The following ROCK1 variants were observed in gnomAD, a reference collection of about 807,000 sequenced individuals.
The protein encoded by ROCK1 is Rho associated coiled-coil containing protein kinase 1.
Under a neutral mutation model 196.8 loss-of-function variants are expected in ROCK1, and 36 were observed. That is an observed-to-expected ratio of 0.18 (90% CI 0.14 to 0.24). ROCK1 has a LOEUF of 0.24. Ranked by LOEUF, ROCK1 falls within the 10% of genes least tolerant of loss-of-function variation. The pLI is 1.00. For synonymous variants in ROCK1, 443 were observed against 515.9 expected (o/e 0.86, Z 1.91); for missense variants, 920 against 1,562.0 (o/e 0.59, Z 6.93).
At chr18:21,087,220 A>G (rs893212059) in intron 1 of ROCK1, among the ~76,000 whole-genome samples, 2 of 152,220 alleles carry the variant, frequency 1.3e-5, no homozygotes, top group African/African-American at 4.8e-5. Context: ...AGGGAATTAC[A>G]ATAAATGTTC....
rs190125122 is a variant in ROCK1, at chr18:20,976,782, T to G, written c.2654+3128A>C. Among the ~76,000 whole-genome samples, 3 of 152,308 alleles carry G rather than the reference T, an allele frequency of 2.0e-5. No individual in the cohort carries two copies. The East Asian group carries it at 5.8e-4, about 29-fold the overall frequency. On this transcript the variant is annotated intron_variant, in intron 22 of 32. Transcript: ENST00000399799. ...CAAATACAGTGGTATCCATTTCTGT[T>G]TGGACATCCCATAGGCACCTCAAAC...
intron 16 of ROCK1, among the ~76,000 whole-genome samples, chr18:20,997,543 G>A (rs1454505181): frequency 1.3e-5 from 2 of 152,072 alleles, no homozygotes; most frequent in Non-Finnish European, 2.9e-5. Flanking sequence ...CAATCCTGGA[G>A]ACTTCAACTC....
chr18:21,068,834 G>A lies in ROCK1; in HGVS notation c.175+1698C>T, dbSNP rs142004319. 4.3e-3 allele frequency among the ~76,000 whole-genome samples: 650 copies of A among 152,248 alleles called. 28 individuals carry two copies. Among genetic ancestry groups the A allele is most frequent in the Admixed American group, 0.03 (464 of 15,288 alleles). ...TAATCTTCTAACTTTCAACCTTGCTGAATGTACTTATTAGTTCATGTAGCT... is the reference window on the plus strand; with the variant it reads ...TAATCTTCTAACTTTCAACCTTGCTAAATGTACTTATTAGTTCATGTAGCT... On this transcript the variant is annotated intron_variant, in intron 2 of 32. Transcript: ENST00000399799.
At chr18:20,952,991 C>G (rs2663702) in intron 32 of ROCK1, among the ~76,000 whole-genome samples, 2 of 151,932 alleles carry the variant, frequency 1.3e-5, no homozygotes, top group African/African-American at 2.4e-5. Flanking sequence ...GGGGCTAGGG[C>G]AGGGATAGCA....
At chr18:20,964,305 T>C (rs2143347395) in intron 27 of ROCK1, among the ~76,000 whole-genome samples, 1 of 152,312 alleles carries the variant, frequency 6.6e-6, no homozygotes, top group South Asian at 2.1e-4. Flanking sequence ...TTTTAGACAC[T>C]TGAATGATAT....
At chr18:21,065,102 T>G (rs1255354423) in intron 2 of ROCK1, among the ~76,000 whole-genome samples, 3 of 152,216 alleles carry the variant, frequency 2.0e-5, no homozygotes, top group Non-Finnish European at 2.9e-5. Context: ...ATGTCATTGG[T>G]GCCACTTGAG....
chr18:21,041,948 C>T (rs2036110773), intron 8 of ROCK1, 149 bp downstream of exon 8: 3 of 680,894 alleles, frequency 4.4e-6, no homozygotes, highest in Non-Finnish European at 7.1e-6. Context: ...CTACAAAAGA[C>T]ATCTAGAATA....
chr18:21,053,947 C>T (rs948868102), intron 2 of ROCK1, among the ~76,000 whole-genome samples: 12 of 152,164 alleles, frequency 7.9e-5, no homozygotes, highest in African/African-American at 2.9e-4. Context: ...ACATATAGCA[C>T]TCAAAACTGT....
intron 1 of ROCK1, among the ~76,000 whole-genome samples, chr18:21,077,505 C>G (rs2036443497): frequency 6.6e-6 from 1 of 152,150 alleles, no homozygotes; most frequent in African/African-American, 2.4e-5. Context: ...AAGCTAACTA[C>G]AAAACCTACT....
intron 23 of ROCK1, 119 bp downstream of exon 23, chr18:20,970,229 C>T: frequency 1.5e-6 from 1 of 659,540 alleles, no homozygotes; most frequent in Non-Finnish European, 2.5e-6. Flanking sequence ...TACAGAATGA[C>T]CACTATGTAT....
rs113993418 is a variant in ROCK1, at chr18:21,053,835, GA to G, written c.176-3956del. Among the ~76,000 whole-genome samples the G allele has an allele frequency of 1.1e-4, 16 of 150,084 alleles. No individual in the cohort carries two copies. The East Asian group carries it at 1.6e-3, about 15-fold the overall frequency. The stretch of plus-strand genomic sequence containing the variant: ...CTGTGTGACAGTCTTTTAGGGGAGG[GA>G]AAAAAAAAGACAACATTTCAAGTAT... On this transcript the variant is annotated intron_variant, in intron 2 of 32. Transcript: ENST00000399799.
At chr18:21,030,536 T>C (rs950753046) in intron 9 of ROCK1, among the ~76,000 whole-genome samples, 25 of 152,328 alleles carry the variant, frequency 1.6e-4, no homozygotes, top group African/African-American at 5.5e-4. Flanking sequence ...GGACCTACTC[T>C]TTTTATAAAT....
At chr18:21,014,687 C>A (rs1219036444) in intron 13 of ROCK1, among the ~76,000 whole-genome samples, 1 of 152,092 alleles carries the variant, frequency 6.6e-6, no homozygotes, top group African/African-American at 2.4e-5. Context: ...TCATAGATAT[C>A]CAAAGCTACC....
At chr18:21,031,736 T>C (rs1461697425) in intron 9 of ROCK1, among the ~76,000 whole-genome samples, 3 of 151,586 alleles carry the variant, frequency 2.0e-5, no homozygotes. Context: ...ATGGATGAAG[T>C]ACCAGGAAGA....
At position 21,045,355 on chromosome 18, in the gene ROCK1, C is replaced by T. The variant is rs748975520; in HGVS notation, c.527G>A (p.Arg176Gln). ...AAGAACTACTTCTGCAGTATAGAAT[C>T]GTGCCCATTTTTCAGGCACATCATA... ...SNYDVPEKWA[R>Q]FYTAEVVLAL... is the part of the protein sequence containing the mutation. Residue 176 changes from arginine (R) to glutamine (Q), a missense_variant, in exon 5 of 33, where the codon CGA becomes CAA. Physicochemically the swap from Arg to Gln is conservative, Grantham distance 43. Coordinates refer to ENST00000399799, the MANE Select transcript of ROCK1 (RefSeq NM_005406.3). 4.3e-6 allele frequency: 7 copies of T among 1,613,798 alleles called. No individual in the cohort carries two copies. The highest frequency in any genetic ancestry group is 1.6e-4 in the Middle Eastern group (1 of 6,062).
chr18:21,020,404 T>TA (rs1428525867), intron 11 of ROCK1, among the ~76,000 whole-genome samples, 165 bp from the exon 12 acceptor site: 1 of 152,212 alleles, frequency 6.6e-6, no homozygotes, highest in Non-Finnish European at 1.5e-5. Context: ...AGCACTTTCT[T>TA]AACATTTACT....
At chr18:20,983,576 G>A (rs1189303334) in intron 20 of ROCK1, among the ~76,000 whole-genome samples, 1 of 151,986 alleles carries the variant, frequency 6.6e-6, no homozygotes, top group Non-Finnish European at 1.5e-5. Context: ...GACAGTAATA[G>A]CTTTGTATTC....
At chr18:21,001,345 T>C (rs999446936) in intron 16 of ROCK1, among the ~76,000 whole-genome samples, 9 of 152,172 alleles carry the variant, frequency 5.9e-5, no homozygotes, top group African/African-American at 1.4e-4. Flanking sequence ...TGGAACCACA[T>C]AGAGGAGGTA....
rs952524847 is a variant in ROCK1 at position 20,947,384 on chromosome 18, G to T, written c.*4000C>A. On this transcript the variant is annotated 3_prime_UTR_variant, in exon 33 of 33. Coordinates refer to ENST00000399799, the MANE Select transcript of ROCK1 (RefSeq NM_005406.3). ...CTTTGCATTTAATTTATTGCAATAA[G>T]CATAGATCTTGTCCAGAAAAAAAAC... 1.3e-5 allele frequency: 2 copies of T among 152,120 alleles called. No individual in the cohort carries two copies. The highest frequency in any genetic ancestry group is 4.8e-5 in the African/African-American group (2 of 41,494). 9.4% of individuals were successfully genotyped at this position (152,120 alleles called of 1,614,324 possible). A position where few individuals can be genotyped will look rare whatever the true frequency, so the allele number is the denominator to read the frequency against.
Sources: gnomAD v4.1 joint callset for allele counts (sites outside exome capture counted in the v4.1 genomes callset) on GRCh38, gnomAD v4.1.1 for gene constraint, MANE v1.5 for transcripts, NCBI Gene and HGNC (gene_info 2026-07-23, HGNC 2026-07-21) for gene names.